The following HMGA2 variants were observed in gnomAD, a reference collection of about 807,000 sequenced individuals.
HMGA2 encodes the protein high mobility group AT-hook 2.
A neutral mutation model predicts 19.1 loss-of-function variants in HMGA2; 8 were observed. The ratio of observed to expected loss-of-function variants is 0.42; its 90% CI spans 0.25 to 0.76. HMGA2 has a LOEUF of 0.76. HMGA2 is among the 30% of genes least tolerant of loss of function. The pLI is 0.28. For synonymous variants in HMGA2, 60 were observed against 48.8 expected, an observed-to-expected ratio of 1.23 and a Z score of -0.96; for missense variants, 109 against 136.3, an observed-to-expected ratio of 0.80 and a Z score of 1.00.
Position 65,838,398 on chromosome 12 carries a change from A to C in HMGA2, c.199-121A>C, listed in dbSNP as rs530654687. Reference sequence around the variant, plus strand: ...ACGAAGTTTGTTAAAAAAAACAAAAAAAAAAAAACCGATACGTCATCTGCA... The same window carrying C: ...ACGAAGTTTGTTAAAAAAAACAAAACAAAAAAAACCGATACGTCATCTGCA... On this transcript the variant is annotated intron_variant, in intron 2 of 4. Transcript: ENST00000403681. 3,309 of 760,350 alleles carry C rather than the reference A, an allele frequency of 4.4e-3. 72 individuals carry two copies. The African/African-American group carries it at 0.049, about 11-fold the overall frequency. 47.1% of individuals were successfully genotyped at this position (760,350 alleles called of 1,614,324 possible). A position where few individuals can be genotyped will look rare whatever the true frequency, so the allele number is the denominator to read the frequency against.
chr12:65,844,664 T>C (rs922916703), intron 3 of HMGA2, among the ~76,000 whole-genome samples: 3 of 152,242 alleles, frequency 2.0e-5, no homozygotes, highest in South Asian at 2.1e-4. Flanking sequence ...AAAAAAGAGA[T>C]TGATAATCTG....
chr12:65,915,200 A>C, intron 3 of HMGA2: 1 of 1,605,972 alleles, frequency 6.2e-7, no homozygotes, highest in African/African-American at 1.3e-5. Flanking sequence ...CATTACATCT[A>C]TGAGCCTTAT....
chr12:65,863,118 A>G (rs1872197173), intron 3 of HMGA2, among the ~76,000 whole-genome samples: 1 of 152,224 alleles, frequency 6.6e-6, no homozygotes, highest in African/African-American at 2.4e-5. Flanking sequence ...CACTATCAGC[A>G]CTTAAGTAGA....
At chr12:65,952,295 A>G (rs1007372699) in intron 4 of HMGA2, 4 of 1,120,446 alleles carry the variant, frequency 3.6e-6, no homozygotes, top group Admixed American at 4.0e-5. Flanking sequence ...AATTTTAAGT[A>G]TCCATGAAAT....
At chr12:65,874,654 A>G (rs957345302) in intron 3 of HMGA2, among the ~76,000 whole-genome samples, 1 of 152,192 alleles carries the variant, frequency 6.6e-6, no homozygotes, top group African/African-American at 2.4e-5. Flanking sequence ...ACCCTGATTT[A>G]CCCGCAGAAC....
chr12:65,951,472 C>A, intron 4 of HMGA2, 57 bp downstream of exon 4: 3 of 1,075,846 alleles, frequency 2.8e-6, no homozygotes, highest in Non-Finnish European at 4.2e-6. Flanking sequence ...GAAATATGTA[C>A]TGAAAAATGT....
At chr12:65,961,698 T>C (rs377330971) in intron 4 of HMGA2, among the ~76,000 whole-genome samples, 37 of 152,178 alleles carry the variant, frequency 2.4e-4, no homozygotes, top group African/African-American at 8.4e-4. Context: ...TTGCAAAGGG[T>C]TTGAAGTATG....
intron 3 of HMGA2, among the ~76,000 whole-genome samples, chr12:65,928,286 C>T (rs1343657891): frequency 6.6e-6 from 1 of 151,938 alleles, no homozygotes; most frequent in African/African-American, 2.4e-5. Flanking sequence ...AGTAAAAATA[C>T]AGCATAAAAG....
intron 3 of HMGA2, among the ~76,000 whole-genome samples, chr12:65,899,959 T>C (rs1874302680): frequency 6.6e-6 from 1 of 152,168 alleles, no homozygotes; most frequent in African/African-American, 2.4e-5. Flanking sequence ...TTTAAGCAAA[T>C]AATAAAATCA....
intron 3 of HMGA2, chr12:65,842,185 T>C (rs1871030699): frequency 9.7e-7 from 1 of 1,033,410 alleles, no homozygotes; most frequent in Non-Finnish European, 1.3e-6. Flanking sequence ...TTCTGGTCCG[T>C]CACTTAGCTA....
At chr12:65,838,970 TTTTTTCTTTTTCTTTC>T (rs891472830) in intron 3 of HMGA2, among the ~76,000 whole-genome samples, 10 of 150,596 alleles carry the variant, frequency 6.6e-5, no homozygotes, top group African/African-American at 2.2e-4. Flanking sequence ...AACGTTTTTC[TTTTTTCTTTTTCTTTC>T]TTTTTCTTTT....
chr12:65,865,843 C>T (rs910748475), intron 3 of HMGA2, among the ~76,000 whole-genome samples: 5 of 151,630 alleles, frequency 3.3e-5, no homozygotes, highest in African/African-American at 1.2e-4. Flanking sequence ...GGGGTTTCAT[C>T]ATGTTAGCCA....
At chr12:65,862,127 G>A (rs535874405) in intron 3 of HMGA2, among the ~76,000 whole-genome samples, 13 of 152,184 alleles carry the variant, frequency 8.5e-5, no homozygotes, top group East Asian at 3.9e-4. Context: ...TTACAGGTGT[G>A]AGCCACCACG....
intron 3 of HMGA2, among the ~76,000 whole-genome samples, chr12:65,910,651 G>T (rs1651162001): frequency 6.6e-6 from 1 of 151,978 alleles, no homozygotes; most frequent in Non-Finnish European, 1.5e-5. Flanking sequence ...GACATCTTCT[G>T]GTAGGAACTT....
intron 3 of HMGA2, among the ~76,000 whole-genome samples, chr12:65,891,312 C>A (rs577898747): frequency 4.7e-4 from 71 of 152,282 alleles, no homozygotes; most frequent in African/African-American, 1.7e-3. Context: ...CTGTAGTTAA[C>A]CACAGCAATA....
At chr12:65,933,261 C>T (rs1012587304) in intron 3 of HMGA2, among the ~76,000 whole-genome samples, 4 of 152,118 alleles carry the variant, frequency 2.6e-5, no homozygotes, top group East Asian at 1.9e-4. Flanking sequence ...TTCCGTGCTT[C>T]GTAAACATGG....
intron 4 of HMGA2, among the ~76,000 whole-genome samples, chr12:65,962,787 A>C (rs570044511): frequency 1.3e-5 from 2 of 152,298 alleles, no homozygotes; most frequent in South Asian, 4.1e-4. Flanking sequence ...GCACTCTAAA[A>C]ATACCAGCTA....
At chr12:65,951,078 C>T (rs370931341) in intron 3 of HMGA2, among the ~76,000 whole-genome samples, 71 of 152,074 alleles carry the variant, frequency 4.7e-4, no homozygotes, top group Non-Finnish European at 7.5e-4. Context: ...ACAGTTGCAA[C>T]GCCACCACAC....
intron 3 of HMGA2, among the ~76,000 whole-genome samples, chr12:65,908,952 C>A (rs945905377): frequency 2.0e-5 from 3 of 152,172 alleles, no homozygotes; most frequent in Non-Finnish European, 2.9e-5. Context: ...AGGCTTACTT[C>A]TGAACACATC....
Sources: gnomAD v4.1 joint callset for allele counts (sites outside exome capture counted in the v4.1 genomes callset) on GRCh38, gnomAD v4.1.1 for gene constraint, MANE v1.5 for transcripts, NCBI Gene and HGNC (gene_info 2026-07-23, HGNC 2026-07-21) for gene names.